Variants in SGCZ observed in about 807,000 individuals in gnomAD.
SGCZ encodes sarcoglycan zeta.
In SGCZ, 40 loss-of-function variants were observed where a neutral mutation model predicts 41.3. The observed-to-expected ratio is 0.97, with a 90% CI of 0.75 to 1.26. The LOEUF is 1.26. Among genes scored for constraint, SGCZ ranks in the 50% most tolerant of loss-of-function variants. The pLI, the probability that SGCZ is intolerant of heterozygous loss-of-function variation, is 0.00. For synonymous variants in SGCZ, 206 were observed against 137.5 expected (o/e 1.50, Z -3.49); for missense variants, 552 against 369.8 (o/e 1.49, Z -4.04).
At chr8:14,785,966 A>T (rs1267688591) in intron 1 of SGCZ, among the ~76,000 whole-genome samples, 1 of 152,092 alleles carries the variant, frequency 6.6e-6, no homozygotes, top group Non-Finnish European at 1.5e-5. Context: ...TCTCCAAAAA[A>T]AGTGACTCAC....
intron 1 of SGCZ, among the ~76,000 whole-genome samples, chr8:14,949,323 G>A (rs1800554882): frequency 6.6e-6 from 1 of 152,138 alleles, no homozygotes; most frequent in Non-Finnish European, 1.5e-5. Flanking sequence ...AAATATTGCT[G>A]TACTTTTGAC....
Position 14,569,973 on chromosome 8 carries a change from T to C in SGCZ, c.40-15047A>G, listed in dbSNP as rs112640284. On this transcript the variant is annotated intron_variant, in intron 1 of 7. Transcript: ENST00000382080. ...CTTTTTTTTTTTTTTCAGCCAGCCC[T>C]ACCATGACAACTTCATACAAAATAA... Among the ~76,000 whole-genome samples, 8 of 150,976 alleles carry C rather than the reference T, an allele frequency of 5.3e-5. 1 individual carries two copies. The highest frequency in any genetic ancestry group is 1.9e-4 in the African/African-American group (8 of 41,100).
intron 1 of SGCZ, among the ~76,000 whole-genome samples, chr8:14,732,435 G>A (rs138551251): frequency 2.0e-5 from 3 of 152,272 alleles, no homozygotes; most frequent in African/African-American, 7.2e-5. Context: ...CAGATGACTG[G>A]TTCTGTATAA....
intron 1 of SGCZ, among the ~76,000 whole-genome samples, chr8:14,779,373 AT>A (rs1800512830): frequency 6.6e-6 from 1 of 152,184 alleles, no homozygotes. Context: ...TCCAGCACTA[AT>A]TTATTGGACA....
At chr8:15,032,904 G>A (rs540835894) in intron 1 of SGCZ, among the ~76,000 whole-genome samples, 2 of 151,890 alleles carry the variant, frequency 1.3e-5, no homozygotes, top group Admixed American at 1.3e-4. Flanking sequence ...CCAGGCTCCA[G>A]GCCTACCCCA....
intron 1 of SGCZ, among the ~76,000 whole-genome samples, chr8:14,582,429 A>T (rs574912642): frequency 6.6e-6 from 1 of 152,188 alleles, no homozygotes; most frequent in Non-Finnish European, 1.5e-5. Flanking sequence ...ATATATGCAC[A>T]TATAATACGT....
At chr8:15,012,731 A>C (rs922823275) in intron 1 of SGCZ, among the ~76,000 whole-genome samples, 1 of 145,994 alleles carries the variant, frequency 6.8e-6, no homozygotes, top group African/African-American at 2.5e-5. Flanking sequence ...GAAATATATA[A>C]AATATGTTAT....
chr8:14,490,819 T>G (rs905624720), intron 2 of SGCZ, among the ~76,000 whole-genome samples: 1 of 612 alleles, frequency 1.6e-3, no homozygotes, highest in Non-Finnish European at 7.9e-3. Flanking sequence ...AATTGATCAT[T>G]TCAAAAAAAA....
intron 1 of SGCZ, among the ~76,000 whole-genome samples, chr8:14,967,168 C>T (rs1427590558): frequency 6.6e-6 from 1 of 152,142 alleles, no homozygotes; most frequent in Non-Finnish European, 1.5e-5. Context: ...ATACCTAAAA[C>T]TGTAATACAC....
Position 14,965,588 on chromosome 8 carries a change from G to A in SGCZ, c.39+271997C>T, listed in dbSNP as rs185435168. 3.3e-5 allele frequency among the ~76,000 whole-genome samples: 5 copies of A among 152,158 alleles called. No individual in the cohort carries two copies. The East Asian group carries it at 9.7e-4, about 29-fold the overall frequency. On this transcript the variant is annotated intron_variant, in intron 1 of 7. Transcript: ENST00000382080. ...TACACTACACTACAAGAAACCAAAG[G>A]CTGTGAGCAATAGAGAGAGGAATTT... is the stretch of plus-strand genomic sequence containing the variant.
chr8:14,184,174 T>C (rs1035696002), intron 4 of SGCZ, among the ~76,000 whole-genome samples: 2 of 151,738 alleles, frequency 1.3e-5, no homozygotes, highest in African/African-American at 4.9e-5. Context: ...CAAATTCCAG[T>C]ATATTTAAGA....
intron 1 of SGCZ, among the ~76,000 whole-genome samples, chr8:14,581,344 C>T (rs183794075): frequency 2.0e-5 from 3 of 152,128 alleles, no homozygotes; most frequent in Non-Finnish European, 2.9e-5. Flanking sequence ...TGGCCTCAAG[C>T]GAACAGCCCA....
At chr8:14,288,753 A>G (rs1800735131) in intron 3 of SGCZ, among the ~76,000 whole-genome samples, 1 of 152,064 alleles carries the variant, frequency 6.6e-6, no homozygotes, top group Non-Finnish European at 1.5e-5. Context: ...TTTGTGTACA[A>G]GTTTTTGTTT....
intron 4 of SGCZ, among the ~76,000 whole-genome samples, chr8:14,165,571 G>GACAT (rs1212601402): frequency 1.3e-5 from 2 of 151,988 alleles, no homozygotes; most frequent in Admixed American, 6.6e-5. Flanking sequence ...AATTTCTTTG[G>GACAT]ACATAACACT....
chr8:15,052,514 G>A (rs1353502549), intron 1 of SGCZ, among the ~76,000 whole-genome samples: 1 of 152,124 alleles, frequency 6.6e-6, no homozygotes, highest in Non-Finnish European at 1.5e-5. Flanking sequence ...TCAGTGGAAG[G>A]CATTGCACTG....
At chr8:14,271,164 T>C (rs917612377) in intron 3 of SGCZ, among the ~76,000 whole-genome samples, 1 of 152,060 alleles carries the variant, frequency 6.6e-6, no homozygotes, top group East Asian at 1.9e-4. Flanking sequence ...AACCTGCACG[T>C]TGTGCACATG....
At chr8:14,978,018 T>A (rs887100914) in intron 1 of SGCZ, among the ~76,000 whole-genome samples, 3 of 152,120 alleles carry the variant, frequency 2.0e-5, no homozygotes, top group Non-Finnish European at 4.4e-5. Context: ...TCATCTTTTG[T>A]CCTCTGTTGA....
At chr8:15,219,543 G>C (rs185703228) in intron 1 of SGCZ, among the ~76,000 whole-genome samples, 3 of 152,284 alleles carry the variant, frequency 2.0e-5, no homozygotes, top group African/African-American at 7.2e-5. Context: ...TTTCATCCCA[G>C]ACTATGATGG....
intron 1 of SGCZ, among the ~76,000 whole-genome samples, chr8:14,677,199 C>A (rs1313443692): frequency 6.6e-6 from 1 of 151,882 alleles, no homozygotes; most frequent in East Asian, 1.9e-4. Context: ...TAAAACACAG[C>A]ATCATTTACA....
Sources: gnomAD v4.1 joint callset for allele counts (sites outside exome capture counted in the v4.1 genomes callset) on GRCh38, gnomAD v4.1.1 for gene constraint, MANE v1.5 for transcripts, NCBI Gene and HGNC (gene_info 2026-07-23, HGNC 2026-07-21) for gene names.